The following CLCNKA variants were observed in gnomAD, a reference collection of about 807,000 sequenced individuals.
CLCNKA encodes the protein chloride channel protein ClC-Ka.
CLCNKA carries 66 observed loss-of-function variants against 83.3 expected under a neutral mutation model. The ratio of observed to expected loss-of-function variants is 0.79; its 90% CI spans 0.65 to 0.97. The LOEUF is 0.97. CLCNKA is among the 50% of genes least tolerant of loss of function. The pLI is 0.00. For synonymous variants in CLCNKA, 357 were observed against 370.4 expected (o/e 0.96, Z 0.42); for missense variants, 806 against 888.7 (o/e 0.91, Z 1.18).
At chr1:16,024,979 A>C in intron 4 of CLCNKA, 88 bp downstream of exon 4, 1 of 1,557,804 alleles carries the variant, frequency 6.4e-7, no homozygotes, top group South Asian at 1.1e-5. Flanking sequence ...GGGAAGCTGC[A>C]GCCTCATTTC....
At chr1:16,032,150 C>T (rs1426129226) in intron 16 of CLCNKA, 53 bp from the exon 17 acceptor site, 10 of 1,539,810 alleles carry the variant, frequency 6.5e-6, no homozygotes, top group African/African-American at 1.4e-5. Context: ...GCTTGGCCCT[C>T]AGGCCTGTTT....
rs1226648153 is a variant in CLCNKA, at chr1:16,032,431, C to T, written c.1846-12C>T. 1.2e-6 allele frequency: 2 copies of T among 1,608,852 alleles called. No homozygotes were observed. The highest frequency in any genetic ancestry group is 2.2e-5 in the South Asian group (2 of 91,016). ...GGCCGGCCCTGCACCCATAACTCTT[C>T]CCCACTCCCAGCAGTGTCTCCAGGA... On this transcript the variant is annotated splice_polypyrimidine_tract_variant and intron_variant, in intron 17 of 19. Transcript: ENST00000331433.
At chr1:16,028,678 G>T (rs897742779) in intron 10 of CLCNKA, 83 bp from the exon 11 acceptor site, 2 of 1,543,040 alleles carry the variant, frequency 1.3e-6, no homozygotes, top group Non-Finnish European at 1.8e-6. Flanking sequence ...GAGCTCTGCT[G>T]CTGCCTGGAC....
At position 16,027,854 on chromosome 1, in the gene CLCNKA, G is replaced by T; in HGVS notation, c.815G>T (p.Arg272Leu). ...TITSLYKTSF[R>L]VDVPFDLPEI... Reference sequence around the variant, plus strand: ...ACCTCCCTCTACAAGACCAGTTTCCGGGTGGACGTTCCCTTCGACCTGCCT... The same window carrying T: ...ACCTCCCTCTACAAGACCAGTTTCCTGGTGGACGTTCCCTTCGACCTGCCT... The change falls in exon 9 of 20, where the codon CGG becomes CTG. Residue 272 changes from arginine to leucine, a missense_variant. Transcript: ENST00000331433. The T allele has an allele frequency of 1.9e-6, 3 of 1,612,878 alleles. No individual in the cohort carries two copies. The highest frequency in any genetic ancestry group is 2.5e-6 in the Non-Finnish European group (3 of 1,179,646).
intron 19 of CLCNKA, 49 bp downstream of exon 19, chr1:16,033,305 A>G (rs2022712163): frequency 6.3e-7 from 1 of 1,585,254 alleles, no homozygotes; most frequent in South Asian, 1.1e-5. Flanking sequence ...ATGCCTGAGA[A>G]GGCTGGGGAG....
Position 16,031,874 on chromosome 1 carries a change from G to A in CLCNKA, c.1756+31G>A, listed in dbSNP as rs201382929. On this transcript the variant is annotated intron_variant, in intron 16 of 19. Transcript: ENST00000331433. ...CAGCTGGAAGGGAGGAGGAAGTCGG[G>A]GGTAGGGGATGCCCTCTGCCTCCTT... is the stretch of plus-strand genomic sequence containing the variant. 21 of 1,613,164 alleles carry A rather than the reference G, an allele frequency of 1.3e-5. No individual in the cohort carries two copies. In the East Asian group the frequency reaches 4.2e-4, roughly 33 times the overall value.
chr1:16,029,078 C>T, intron 11 of CLCNKA, 48 bp from the exon 12 acceptor site: 2 of 1,595,192 alleles, frequency 1.3e-6, no homozygotes, highest in Non-Finnish European at 1.7e-6. Context: ...CTGGGGTCTG[C>T]CGCTGGGGGG....
At position 16,029,988 on chromosome 1, in the gene CLCNKA, G is replaced by A; in HGVS notation, c.1321G>A (p.Gly441Arg). 1.9e-6 allele frequency: 3 copies of A among 1,611,572 alleles called. No homozygotes were observed. Among genetic ancestry groups the A allele is most frequent in the Non-Finnish European group, 2.5e-6 (3 of 1,177,998 alleles). The stretch of plus-strand genomic sequence containing the variant: ...AGGAGCTGCCATCGGGCGCCTCTTG[G>A]GAGAGGCTCTTGCCGTCGCCTTCCC... The part of the protein sequence containing the change: ...ILGAAIGRLL[G>R]EALAVAFPEG... The change falls in exon 14 of 20, where the codon GGA (glycine) becomes AGA (arginine). Residue 441 changes from glycine to arginine, a missense_variant. Coordinates refer to ENST00000331433, the MANE Select transcript of CLCNKA (RefSeq NM_004070.4).
chr1:16,027,691 G>A, intron 8 of CLCNKA, 130 bp from the exon 9 acceptor site: 3 of 1,532,580 alleles, frequency 2.0e-6, no homozygotes, highest in Non-Finnish European at 2.7e-6. Context: ...GGTTGTGGGG[G>A]CCTGGAATGC....
chr1:16,030,316 T>G, intron 14 of CLCNKA, 145 bp from the exon 15 acceptor site: 2 of 1,070,648 alleles, frequency 1.9e-6, no homozygotes, highest in Non-Finnish European at 2.7e-6. Flanking sequence ...AGCCCAGGCC[T>G]TGGGGCACTT....
chr1:16,029,329 G>A (rs1477710887), intron 12 of CLCNKA, 30 bp downstream of exon 12: 10 of 1,613,368 alleles, frequency 6.2e-6, no homozygotes, highest in Non-Finnish European at 8.5e-6. Flanking sequence ...GGTGTGCACA[G>A]AGCCAGGACC....
In CLCNKA at chr1:16,026,732, G is replaced by C. The variant is rs2022368001; in HGVS notation, c.612G>C (p.Ala204=). 20 of 1,613,466 alleles carry C rather than the reference G, an allele frequency of 1.2e-5. No individual in the cohort carries two copies. The highest frequency in any genetic ancestry group is 1.7e-5 in the Admixed American group (1 of 59,994). ...AGCAAAACGAAATGCTGGTGGCAGC[G>C]GCGGCAGTGGGCGTGGCCACAGTCT... The part of the protein sequence containing the change: ...KSKQNEMLVA[A]AAVGVATVFA... The change falls in exon 7 of 20, where the codon GCG becomes GCC. Residue 204 remains alanine, a synonymous_variant. Transcript: ENST00000331433.
Position 16,029,733 on chromosome 1 carries a change from C to T in CLCNKA, c.1230C>T (p.Phe410=). 6.2e-7 allele frequency: 1 copy of T among 1,614,144 alleles called. No individual in the cohort carries two copies. Among genetic ancestry groups the T allele is most frequent in the South Asian group, 1.1e-5 (1 of 91,084 alleles). The change falls in exon 13 of 20, where the codon TTC becomes TTT. Residue 410 remains phenylalanine (F), a splice_region_variant and synonymous_variant. Transcript: ENST00000331433. ...CCCTGGGCTCCCCCTTCCTGCAGTT[C>T]TGGATGCTGATTCTGGCCACCACCA... is the stretch of plus-strand genomic sequence containing the variant. The part of the protein sequence containing the change: ...GTLAFFLVMK[F]WMLILATTIP...
chr1:16,024,867 C>T lies in CLCNKA; in HGVS notation c.334C>T (p.Gln112Ter), dbSNP rs1455019460. The T allele has an allele frequency of 6.2e-7, 1 of 1,614,128 alleles. No homozygotes were observed. The highest frequency in any genetic ancestry group is 1.3e-5 in the African/African-American group (1 of 75,052). ...CGTCTCTTTCTCCTCAGGCTTCTCC[C>T]AGAGCATCACGCCCTCCTCTGGAGG... ...ALVSFSSGFSQSITPSSGGSG... is the reference protein window; with the variant it reads ...ALVSFSSGFS The change falls in exon 4 of 20, where the codon CAG (glutamine) becomes TAG (stop). Residue 112 changes from glutamine (Q) to a stop codon, truncating the protein, a stop_gained. Transcript: ENST00000331433. LOFTEE classifies it high-confidence loss of function.
chr1:16,027,555 C>A, intron 8 of CLCNKA, 120 bp downstream of exon 8: 1 of 1,526,480 alleles, frequency 6.6e-7, no homozygotes, highest in Admixed American at 1.9e-5. Context: ...CTTTTCCCTC[C>A]TCCGTGTTCC....
intron 10 of CLCNKA, 144 bp from the exon 11 acceptor site, chr1:16,028,617 C>G (rs184094704): frequency 2.0e-6 from 2 of 1,024,668 alleles, no homozygotes; most frequent in Non-Finnish European, 3.0e-6. Flanking sequence ...GTTCCCTGCT[C>G]CCGCCCTTCC....
chr1:16,030,277 C>A (rs553030170), intron 14 of CLCNKA, among the ~76,000 whole-genome samples, 184 bp from the exon 15 acceptor site: 1 of 152,198 alleles, frequency 6.6e-6, no homozygotes, highest in Non-Finnish European at 1.5e-5. Flanking sequence ...CCCAGCCCTG[C>A]GGCCTCCCTT....
rs369921529 is a variant in CLCNKA, at chr1:16,032,638, G to A, written c.1929+112G>A. 623 of 824,124 alleles carry A rather than the reference G, an allele frequency of 7.6e-4. 14 individuals carry two copies. The South Asian group carries it at 8.8e-3, about 12-fold the overall frequency. The allele number at this position is 824,124 out of a possible 1,614,324, so 51.1% of individuals were successfully genotyped here. A position where few individuals can be genotyped will look rare whatever the true frequency, so the allele number is the denominator to read the frequency against. On this transcript the variant is annotated intron_variant, in intron 18 of 19. Coordinates refer to ENST00000331433, the MANE Select transcript of CLCNKA (RefSeq NM_004070.4). ...AACCCCGCCCCGCCCATCTTATCCT[G>A]CTTCCTGCTCCTCCTGGGCCTGGAC... is the stretch of plus-strand genomic sequence containing the variant.
In CLCNKA at chr1:16,032,474, G is replaced by A; in HGVS notation, c.1877G>A (p.Cys626Tyr). The change falls in exon 18 of 20, where the codon TGC (cysteine) becomes TAC (tyrosine). Residue 626 changes from cysteine (C) to tyrosine (Y), a missense_variant. By Grantham distance (194) the Cys-to-Tyr change is radical. Coordinates refer to ENST00000331433, the MANE Select transcript of CLCNKA (RefSeq NM_004070.4). ...QCLQDILARG[C>Y]PTEPVTLTLF... The stretch of plus-strand genomic sequence containing the variant: ...CTCCAGGACATCTTGGCCAGGGGCT[G>A]CCCCACGGAACCAGTGACCCTGACG... 2 of 1,613,228 alleles carry A rather than the reference G, an allele frequency of 1.2e-6. No homozygotes were observed. Among genetic ancestry groups the A allele is most frequent in the Non-Finnish European group, 1.7e-6 (2 of 1,179,864 alleles).
Sources: allele counts gnomAD v4.1 joint callset (sites outside exome capture counted in the v4.1 genomes callset), GRCh38; gene constraint gnomAD v4.1.1; transcripts MANE v1.5; gene names NCBI Gene and HGNC (gene_info 2026-07-23, HGNC 2026-07-21).